MYO9B: variants seen among roughly 807,000 people sequenced by gnomAD.
MYO9B encodes myosin IXB.
MYO9B carries 71 observed loss-of-function variants against 229.5 expected under a neutral mutation model. That is an observed-to-expected ratio of 0.31 (90% CI 0.26 to 0.38). MYO9B has a LOEUF of 0.38. Among genes scored for constraint, MYO9B ranks in the 10% least tolerant of loss-of-function variants. The pLI, the probability that MYO9B is intolerant of heterozygous loss-of-function variation, is 1.00. For synonymous variants in MYO9B, 1,185 were observed against 1,235.8 expected, an observed-to-expected ratio of 0.96 and a Z score of 0.86; for missense variants, 2,255 against 2,920.5, an observed-to-expected ratio of 0.77 and a Z score of 5.25.
intron 3 of MYO9B, among the ~76,000 whole-genome samples, chr19:17,146,557 GGATA>G (rs2072413961): frequency 6.6e-6 from 1 of 151,538 alleles, no homozygotes; most frequent in African/African-American, 2.4e-5. Flanking sequence ...GTGGATGGAT[GGATA>G]GATAGATGGA....
chr19:17,112,649 G>T (rs556540501), intron 2 of MYO9B, among the ~76,000 whole-genome samples: 6 of 152,176 alleles, frequency 3.9e-5, no homozygotes, highest in Non-Finnish European at 8.8e-5. Context: ...GCCAGTCCTG[G>T]TGAATTTGGT....
chr19:17,087,620 G>A (rs1225618849), intron 1 of MYO9B, among the ~76,000 whole-genome samples: 2 of 152,092 alleles, frequency 1.3e-5, no homozygotes, highest in Non-Finnish European at 2.9e-5. Context: ...GGTGGCTGAG[G>A]AGGCCACAAG....
chr19:17,088,239 G>A (rs961549617), intron 1 of MYO9B, among the ~76,000 whole-genome samples: 9 of 152,226 alleles, frequency 5.9e-5, no homozygotes, highest in Admixed American at 2.0e-4. Flanking sequence ...CTTTATTCAC[G>A]TGCCGCCTTC....
intron 24 of MYO9B, among the ~76,000 whole-genome samples, chr19:17,198,758 G>T (rs959059021): frequency 3.3e-4 from 40 of 120,420 alleles, no homozygotes; most frequent in Admixed American, 3.3e-3. Flanking sequence ...AAAAAAAAAA[G>T]CCTCTAGGGC....
At chr19:17,179,633 G>A (rs2072833251) in intron 14 of MYO9B, among the ~76,000 whole-genome samples, 1 of 151,652 alleles carries the variant, frequency 6.6e-6, no homozygotes, top group Admixed American at 6.6e-5. Flanking sequence ...CACCATGTTG[G>A]CCAGGCTGGT....
At chr19:17,093,811 G>A in intron 1 of MYO9B, among the ~76,000 whole-genome samples, 1 of 151,916 alleles carries the variant, frequency 6.6e-6, no homozygotes, top group Non-Finnish European at 1.5e-5. Context: ...TGCCACCTCA[G>A]CCTCCCAAGT....
intron 10 of MYO9B, among the ~76,000 whole-genome samples, chr19:17,164,136 G>A (rs1349185970): frequency 2.0e-5 from 3 of 152,120 alleles, no homozygotes; most frequent in Non-Finnish European, 4.4e-5. Context: ...AAAATAGCAT[G>A]AGCTAGAACC....
At chr19:17,155,110 G>A (rs2072522738) in intron 6 of MYO9B, among the ~76,000 whole-genome samples, 1 of 152,142 alleles carries the variant, frequency 6.6e-6, no homozygotes, top group Admixed American at 6.6e-5. Context: ...TTCAGCTCGG[G>A]CAACAGAGTA....
At chr19:17,186,119 C>A (rs1599404818) in intron 18 of MYO9B, 118 bp downstream of exon 18, 2 of 823,484 alleles carry the variant, frequency 2.4e-6, no homozygotes, top group East Asian at 2.6e-5. Context: ...AGCAGTCCAT[C>A]CAGAGGCAGC....
At chr19:17,127,051 G>T (rs1328510500) in intron 2 of MYO9B, among the ~76,000 whole-genome samples, 2 of 130,186 alleles carry the variant, frequency 1.5e-5, no homozygotes, top group South Asian at 2.4e-4. Flanking sequence ...TCACTCTGTC[G>T]CCCAGGCTGG....
Position 17,112,709 on chromosome 19 carries a change from G to A in MYO9B, c.840+10152G>A, listed in dbSNP as rs141640788. ...GATGGGGCATCCAAGGGAGAATTGT[G>A]CACCAGCCACACAAAGAATCCCGCA... On this transcript the variant is annotated intron_variant, in intron 2 of 39. Transcript: ENST00000682292. Among the ~76,000 whole-genome samples the A allele has an allele frequency of 3.0e-3, 461 of 152,330 alleles. 5 individuals carry two copies. The highest frequency in any genetic ancestry group is 0.011 in the African/African-American group (452 of 41,576).
intron 2 of MYO9B, among the ~76,000 whole-genome samples, chr19:17,131,414 G>A (rs1352265137): frequency 6.6e-6 from 1 of 152,084 alleles, no homozygotes. Context: ...GACTACAGGC[G>A]CACGCCACCA....
At chr19:17,206,225 G>GGGGGGGGCCCCC in intron 32 of MYO9B, 23 bp from the exon 33 acceptor site, 1 of 1,564,664 alleles carries the variant, frequency 6.4e-7, no homozygotes, top group Non-Finnish European at 8.7e-7. Flanking sequence ...CCGCTCACCA[G>GGGGGGGGCCCCC]ACCCACCCCA....
In MYO9B at chr19:17,172,215, C is replaced by G; in HGVS notation, c.1794-121C>G. On this transcript the variant is annotated intron_variant, in intron 11 of 39. Coordinates refer to ENST00000682292, the MANE Select transcript of MYO9B (RefSeq NM_004145.4). The surrounding 1 kb of genome is among the most constrained non-coding windows in gnomAD (Gnocchi z 8.2). ...CTGTGCACAGAGCCCTGTGCCACTT[C>G]ACTGCTCTGCCCACCCCATGCACCC... is the stretch of plus-strand genomic sequence containing the variant. The G allele has an allele frequency of 7.7e-7, 1 of 1,304,912 alleles. No individual in the cohort carries two copies. The highest frequency in any genetic ancestry group is 1.0e-6 in the Non-Finnish European group (1 of 955,112). 80.8% of individuals were successfully genotyped at this position (1,304,912 alleles called of 1,614,324 possible).
intron 34 of MYO9B, 151 bp downstream of exon 34, chr19:17,206,935 T>C (rs2073168954): frequency 8.1e-7 from 1 of 1,236,048 alleles, no homozygotes; most frequent in Non-Finnish European, 1.2e-6. Context: ...GGGGCCAGGC[T>C]GCTGGGCCGC....
intron 1 of MYO9B, among the ~76,000 whole-genome samples, chr19:17,093,106 C>T (rs761805333): frequency 6.6e-6 from 1 of 151,986 alleles, no homozygotes; most frequent in Non-Finnish European, 1.5e-5. Flanking sequence ...CTGAGGTGGG[C>T]GGATCACCTG....
At chr19:17,113,227 G>A (rs1359292221) in intron 2 of MYO9B, among the ~76,000 whole-genome samples, 4 of 152,164 alleles carry the variant, frequency 2.6e-5, no homozygotes, top group African/African-American at 7.2e-5. Flanking sequence ...AAGGTGGGGC[G>A]TCAGTGGGCA....
chr19:17,205,779 T>A (rs2073153273), intron 31 of MYO9B, among the ~76,000 whole-genome samples, 181 bp from the exon 32 acceptor site: 1 of 152,096 alleles, frequency 6.6e-6, no homozygotes. Flanking sequence ...GTGGCTGCCA[T>A]GCTGGCCTTG....
chr19:17,109,032 TTTTATTTATTTATTTATTTATTTA>T lies in MYO9B; in HGVS notation c.840+6503_840+6526del, dbSNP rs150315844. 5.9e-5 allele frequency among the ~76,000 whole-genome samples: 8 copies of T among 136,558 alleles called. No homozygotes were observed. The South Asian group carries it at 9.5e-4, about 16-fold the overall frequency. The allele number at this position is 136,558 out of a possible 152,430, so 89.6% of individuals were successfully genotyped here. On this transcript the variant is annotated intron_variant, in intron 2 of 39. Coordinates refer to ENST00000682292, the MANE Select transcript of MYO9B (RefSeq NM_004145.4). Reference sequence around the variant, plus strand: ...CTGGCCCCAAGAATCTTTTTTTTAATTTTATTTATTTATTTATTTATTTATTTATTTATTTATTTATTTATTTAT... The same window carrying T: ...CTGGCCCCAAGAATCTTTTTTTTAATTTTATTTATTTATTTATTTATTTAT...
Sources: allele counts gnomAD v4.1 joint callset (sites outside exome capture counted in the v4.1 genomes callset), GRCh38; gene constraint gnomAD v4.1.1; non-coding constraint Gnocchi (gnomAD v3.1); transcripts MANE v1.5; gene names NCBI Gene and HGNC (gene_info 2026-07-23, HGNC 2026-07-21).